The following ZC3H3 variants were observed in gnomAD, a reference collection of about 807,000 sequenced individuals.
ZC3H3 encodes the protein zinc finger CCCH-type containing 3.
In ZC3H3, 36 loss-of-function variants were observed where a neutral mutation model predicts 77.3. The observed-to-expected ratio is 0.47, with a 90% CI of 0.36 to 0.61. The LOEUF is 0.61. Among genes scored for constraint, ZC3H3 ranks in the 20% least tolerant of loss-of-function variants. The probability of loss-of-function intolerance (pLI) is 0.00; values close to 1 mark genes in which losing one functional copy is unlikely to be tolerated. For synonymous variants in ZC3H3, 626 were observed against 555.2 expected (o/e 1.13, Z -1.79); for missense variants, 1,331 against 1,312.2 (o/e 1.01, Z -0.22).
rs773353978 is a variant in ZC3H3 at position 143,539,291 on chromosome 8, C to T, written c.76G>A (p.Gly26Ser). The stretch of plus-strand genomic sequence containing the variant: ...GGGGTACCAGGGGCCGGGGCATTGC[C>T]GTGGAGGGTTTTGTAGTCATCAATC... ...GLIDDYKTLH[G>S]NAPAPGTPAA... Residue 26 changes from glycine (G) to serine (S), a missense_variant, in exon 2 of 12, where the codon GGC becomes AGC. By Grantham distance (56) the Gly-to-Ser change is moderately conservative. Coordinates refer to ENST00000262577, the MANE Select transcript of ZC3H3 (RefSeq NM_015117.3). 6.2e-7 allele frequency: 1 copy of T among 1,611,788 alleles called. No homozygotes were observed. The highest frequency in any genetic ancestry group is 1.3e-5 in the African/African-American group (1 of 74,992).
At chr8:143,497,569 C>T (rs2129989095) in intron 4 of ZC3H3, among the ~76,000 whole-genome samples, 3 of 152,350 alleles carry the variant, frequency 2.0e-5, no homozygotes, top group Middle Eastern at 6.8e-3. Flanking sequence ...TTGGTGCTGA[C>T]TGCACCCACC....
chr8:143,523,429 G>T (rs542250038), intron 3 of ZC3H3: 1 of 985,424 alleles, frequency 1.0e-6, no homozygotes, highest in Non-Finnish European at 1.2e-6. Context: ...TGTCTGGAAG[G>T]TGATCTCAGG....
At chr8:143,529,320 C>G (rs1361170652) in intron 3 of ZC3H3, among the ~76,000 whole-genome samples, 5 of 152,182 alleles carry the variant, frequency 3.3e-5, no homozygotes, top group African/African-American at 1.2e-4. Flanking sequence ...AGTGACACCC[C>G]CATAAGCATC....
At chr8:143,457,041 T>C (rs1820140309) in intron 9 of ZC3H3, among the ~76,000 whole-genome samples, 1 of 152,162 alleles carries the variant, frequency 6.6e-6, no homozygotes, top group Non-Finnish European at 1.5e-5. Context: ...AACTGAAAAC[T>C]AGACCGCAAA....
chr8:143,478,395 G>A (rs1489103116), intron 4 of ZC3H3, among the ~76,000 whole-genome samples: 1 of 152,228 alleles, frequency 6.6e-6, no homozygotes, highest in African/African-American at 2.4e-5. Flanking sequence ...GCCTCTGGGG[G>A]TCAGCAGGCA....
chr8:143,503,649 C>G (rs1821599145), intron 4 of ZC3H3, among the ~76,000 whole-genome samples: 1 of 140,994 alleles, frequency 7.1e-6, no homozygotes, highest in African/African-American at 2.6e-5. Context: ...ACCCAACTGT[C>G]TCCACCACCA....
rs763556407 is a variant in ZC3H3 at position 143,538,182 on chromosome 8, C to A, written c.1185G>T (p.Gln395His). The change falls in exon 2 of 12, where the codon CAG (glutamine) becomes CAT (histidine). Residue 395 changes from glutamine to histidine, a missense_variant. Physicochemically the swap from Gln to His is conservative, Grantham distance 24. Coordinates refer to ENST00000262577, the MANE Select transcript of ZC3H3 (RefSeq NM_015117.3). ...SASSSSSFRW[Q>H]SEASSKDHAS... is the part of the protein sequence containing the mutation. ...CATGGTCCTTGCTGCTGGCCTCCGA[C>A]TGCCAACGGAAGGAGGAAGAGGAGG... 5.6e-6 allele frequency: 9 copies of A among 1,612,916 alleles called. No individual in the cohort carries two copies. Among genetic ancestry groups the A allele is most frequent in the Non-Finnish European group, 7.6e-6 (9 of 1,180,028 alleles).
At chr8:143,481,610 G>A (rs1047553947) in intron 4 of ZC3H3, among the ~76,000 whole-genome samples, 4 of 152,190 alleles carry the variant, frequency 2.6e-5, no homozygotes, top group Admixed American at 6.5e-5. Flanking sequence ...TGGAGCCGGC[G>A]AGGGGACATC....
intron 9 of ZC3H3, among the ~76,000 whole-genome samples, chr8:143,465,369 C>G (rs1286097729): frequency 1.3e-5 from 2 of 152,106 alleles, no homozygotes; most frequent in African/African-American, 4.8e-5. Context: ...CTCCAATATC[C>G]CCTTCACTGC....
chr8:143,464,520 G>A (rs1169962103), intron 9 of ZC3H3, among the ~76,000 whole-genome samples: 1 of 152,186 alleles, frequency 6.6e-6, no homozygotes, highest in East Asian at 1.9e-4. Flanking sequence ...GAAGGGCCCG[G>A]CCCACCACAG....
rs537671135 is a variant in ZC3H3, at chr8:143,533,002, G to A, written c.1561+3255C>T. On this transcript the variant is annotated intron_variant, in intron 3 of 11. Coordinates refer to ENST00000262577, the MANE Select transcript of ZC3H3 (RefSeq NM_015117.3). This position sits in a 1 kb window ranked among gnomAD's most constrained non-coding sequence, Gnocchi z 4.0. ...TGAGAGCCTGCGGACTCCGCTCCTT[G>A]GCCTGGCGTCAGTGGCCTCACGCAC... is the stretch of plus-strand genomic sequence containing the variant. Among the ~76,000 whole-genome samples, 49 of 152,236 alleles carry A rather than the reference G, an allele frequency of 3.2e-4. No homozygotes were observed. Among genetic ancestry groups the A allele is most frequent in the African/African-American group, 1.1e-3 (47 of 41,534 alleles).
intron 4 of ZC3H3, among the ~76,000 whole-genome samples, chr8:143,495,094 T>C (rs1821310776): frequency 6.6e-6 from 1 of 152,098 alleles, no homozygotes; most frequent in African/African-American, 2.4e-5. Flanking sequence ...CGCGCGACAG[T>C]CATGGAAACA....
intron 4 of ZC3H3, among the ~76,000 whole-genome samples, chr8:143,498,793 C>A (rs1230713210): frequency 1.1e-5 from 1 of 87,872 alleles, no homozygotes; most frequent in Admixed American, 1.2e-4. Context: ...GCAGGGGGTA[C>A]AGGGCGGGGC....
rs1821748535 is a variant in ZC3H3 at position 143,507,791 on chromosome 8, G to A, written c.1670C>T (p.Pro557Leu). 3 of 1,603,366 alleles carry A rather than the reference G, an allele frequency of 1.9e-6. No individual in the cohort carries two copies. The African/African-American group carries it at 4.0e-5, about 21-fold the overall frequency. ...PASPLSAPPF[P>L]LSLPSWRARR... is the part of the protein sequence containing the mutation. ...GGCCCGCCAGGAGGGCAGAGACAGG[G>A]GGAAGGGCGGGGCGCTGAGAGGCGA... The change falls in exon 4 of 12, where the codon CCC (proline) becomes CTC (leucine). Residue 557 changes from proline to leucine, a missense_variant. Around this residue, in one of 3 missense-constraint regions of ZC3H3, gnomAD observed 978 missense variants for 915.5 expected, o/e 1.07. Coordinates refer to ENST00000262577, the MANE Select transcript of ZC3H3 (RefSeq NM_015117.3).
At chr8:143,506,300 A>C (rs1233680766) in intron 4 of ZC3H3, among the ~76,000 whole-genome samples, 1 of 152,236 alleles carries the variant, frequency 6.6e-6, no homozygotes, top group Admixed American at 6.5e-5. Context: ...GCTGACGACG[A>C]CCACAGGACG....
intron 9 of ZC3H3, among the ~76,000 whole-genome samples, chr8:143,464,185 T>C (rs1325869754): frequency 6.6e-6 from 1 of 152,268 alleles, no homozygotes; most frequent in Non-Finnish European, 1.5e-5. Flanking sequence ...CTATCCATCA[T>C]GCGGGCGCCG....
intron 11 of ZC3H3, among the ~76,000 whole-genome samples, chr8:143,438,646 G>T (rs912454070): frequency 6.6e-6 from 1 of 152,158 alleles, no homozygotes; most frequent in Non-Finnish European, 1.5e-5. Context: ...AAGCCCAGGG[G>T]CTCCTGCCCC....
chr8:143,491,729 G>A (rs1442411233), intron 4 of ZC3H3, among the ~76,000 whole-genome samples: 1 of 152,248 alleles, frequency 6.6e-6, no homozygotes, highest in East Asian at 1.9e-4. Context: ...GGACTGAGCA[G>A]AGCTGCCCTC....
At position 143,497,738 on chromosome 8, in the gene ZC3H3, C is replaced by T. The variant is rs557690888; in HGVS notation, c.1715+10008G>A. On this transcript the variant is annotated intron_variant, in intron 4 of 11. Transcript: ENST00000262577. ...ACAGCAGGAGCTGAACCAGGGCCGTCGCTACATGGCTGTCTGGTACGGCCA... is the reference window on the plus strand; with the variant it reads ...ACAGCAGGAGCTGAACCAGGGCCGTTGCTACATGGCTGTCTGGTACGGCCA... Among the ~76,000 whole-genome samples the T allele has an allele frequency of 3.2e-4, 49 of 152,352 alleles. No homozygotes were observed. The South Asian group carries it at 7.0e-3, about 22-fold the overall frequency.
Sources: allele counts gnomAD v4.1 joint callset (sites outside exome capture counted in the v4.1 genomes callset), GRCh38; gene constraint gnomAD v4.1.1; regional missense constraint gnomAD v4.1.1; non-coding constraint Gnocchi (gnomAD v3.1); transcripts MANE v1.5; gene names NCBI Gene and HGNC (gene_info 2026-07-23, HGNC 2026-07-21).